ALK: variants seen among roughly 807,000 people sequenced by gnomAD.
ALK encodes the protein ALK receptor tyrosine kinase.
ALK carries 74 observed loss-of-function variants against 163.1 expected under a neutral mutation model. That is an observed-to-expected ratio of 0.45 (90% CI 0.38 to 0.55). The LOEUF (loss-of-function observed/expected upper bound fraction) is 0.55, where lower values mean the gene tolerates loss of function less well. ALK is among the 20% of genes least tolerant of loss of function. The probability of loss-of-function intolerance (pLI) is 0.00; values close to 1 mark genes in which losing one functional copy is unlikely to be tolerated. For synonymous variants in ALK, 960 were observed against 843.2 expected (o/e 1.14, Z -2.40); for missense variants, 2,063 against 2,105.3 (o/e 0.98, Z 0.39).
chr2:29,915,737 ACACAGGT>A (rs1029944292), intron 1 of ALK, among the ~76,000 whole-genome samples: 1 of 152,184 alleles, frequency 6.6e-6, no homozygotes, highest in African/African-American at 2.4e-5. Context: ...TCTTCTCAAG[ACACAGGT>A]CACCTTTTGC....
intron 5 of ALK, among the ~76,000 whole-genome samples, chr2:29,374,278 G>A (rs1668702294): frequency 6.6e-6 from 1 of 152,148 alleles, no homozygotes; most frequent in Non-Finnish European, 1.5e-5. Context: ...ATTTCCTGAT[G>A]AGAAAATGAA....
At chr2:29,270,644 C>A (rs1003190351) in intron 11 of ALK, among the ~76,000 whole-genome samples, 20 of 152,116 alleles carry the variant, frequency 1.3e-4, no homozygotes, top group African/African-American at 4.8e-4. Flanking sequence ...TTGCAGACAC[C>A]AGGGGACCCA....
intron 15 of ALK, among the ~76,000 whole-genome samples, chr2:29,229,579 G>C (rs184765882): frequency 1.8e-4 from 28 of 152,304 alleles, no homozygotes; most frequent in African/African-American, 6.0e-4. Context: ...CAGAGAGCCC[G>C]TTGCTGTCTG....
At chr2:29,453,055 G>A (rs1670861885) in intron 4 of ALK, among the ~76,000 whole-genome samples, 1 of 152,196 alleles carries the variant, frequency 6.6e-6, no homozygotes, top group South Asian at 2.1e-4. Context: ...AGGAAAACTG[G>A]CAACAATCTA....
intron 3 of ALK, among the ~76,000 whole-genome samples, chr2:29,649,143 A>C (rs1309209293): frequency 1.3e-5 from 2 of 151,704 alleles, no homozygotes; most frequent in Non-Finnish European, 2.9e-5. Context: ...TATGCCTTTT[A>C]TAGTGTGGGA....
At chr2:29,349,849 A>T (rs557462694) in intron 5 of ALK, among the ~76,000 whole-genome samples, 1 of 152,324 alleles carries the variant, frequency 6.6e-6, no homozygotes, top group African/African-American at 2.4e-5. Flanking sequence ...TCCAAACTGG[A>T]TGAGTAGAAC....
chr2:29,490,973 A>G (rs542480199), intron 4 of ALK, among the ~76,000 whole-genome samples: 3 of 152,322 alleles, frequency 2.0e-5, no homozygotes, highest in African/African-American at 4.8e-5. Flanking sequence ...TGCATTTACA[A>G]TGGAAGAAAT....
In ALK at chr2:29,251,125, C is replaced by A; in HGVS notation, c.2184G>T (p.Val728=). 6.2e-7 allele frequency: 1 copy of A among 1,614,110 alleles called. No individual in the cohort carries two copies. The highest frequency in any genetic ancestry group is 1.3e-5 in the African/African-American group (1 of 75,054). Residue 728 remains valine, a synonymous_variant, in exon 12 of 29, where the codon GTG becomes GTT. Transcript: ENST00000389048. ...GPLKGIQIWK[V]PATDTYSISG... Reference sequence around the variant, plus strand: ...CGCACCTGTAGGTGTCGGTGGCTGGCACCTTCCAGATCTGGATGCCTTTCA... The same window carrying A: ...CGCACCTGTAGGTGTCGGTGGCTGGAACCTTCCAGATCTGGATGCCTTTCA...
intron 5 of ALK, among the ~76,000 whole-genome samples, chr2:29,354,625 C>A (rs1668198398): frequency 6.6e-6 from 1 of 151,710 alleles, no homozygotes; most frequent in Non-Finnish European, 1.5e-5. Flanking sequence ...AAGCTAAAAC[C>A]CAGAGGCTTT....
intron 3 of ALK, among the ~76,000 whole-genome samples, chr2:29,670,396 G>A (rs1381743141): frequency 2.0e-5 from 3 of 151,950 alleles, no homozygotes; most frequent in African/African-American, 7.2e-5. Flanking sequence ...AGATGAATTG[G>A]AGTTCCTTTA....
intron 5 of ALK, among the ~76,000 whole-genome samples, chr2:29,346,956 C>A (rs567072709): frequency 6.6e-6 from 1 of 152,160 alleles, no homozygotes; most frequent in African/African-American, 2.4e-5. Context: ...AATCCTTACC[C>A]GATGGTCAGA....
intron 5 of ALK, among the ~76,000 whole-genome samples, chr2:29,372,449 T>C (rs758722213): frequency 3.3e-5 from 5 of 152,212 alleles, no homozygotes; most frequent in African/African-American, 9.6e-5. Context: ...TGTTAGTTAA[T>C]GAAGAGCCGC....
intron 9 of ALK, among the ~76,000 whole-genome samples, chr2:29,284,792 A>C (rs1665807628): frequency 6.6e-6 from 1 of 152,176 alleles, no homozygotes; most frequent in Admixed American, 6.5e-5. Context: ...ATCCTTCCAG[A>C]ATTATGAATG....
At chr2:29,394,381 A>T (rs1669252956) in intron 4 of ALK, among the ~76,000 whole-genome samples, 1 of 151,974 alleles carries the variant, frequency 6.6e-6, no homozygotes, top group African/African-American at 2.4e-5. Flanking sequence ...AATCAAGAGT[A>T]GTGACCCTGA....
chr2:29,338,602 T>G (rs1285606141), intron 5 of ALK, among the ~76,000 whole-genome samples: 2 of 152,238 alleles, frequency 1.3e-5, no homozygotes, highest in Non-Finnish European at 2.9e-5. Context: ...GGGGTGCTGA[T>G]GCATACCTTT....
At chr2:29,489,838 G>C (rs1671858966) in intron 4 of ALK, among the ~76,000 whole-genome samples, 1 of 152,212 alleles carries the variant, frequency 6.6e-6, no homozygotes, top group Admixed American at 6.5e-5. Flanking sequence ...GGTTATGCAG[G>C]TGTTATGAAG....
chr2:29,302,308 A>G (rs1030252466), intron 8 of ALK, among the ~76,000 whole-genome samples: 4 of 152,188 alleles, frequency 2.6e-5, no homozygotes, highest in Non-Finnish European at 4.4e-5. Flanking sequence ...ACCTGAGGTC[A>G]GGAGTTCGAG....
chr2:29,830,341 A>G (rs1309752364), intron 1 of ALK, among the ~76,000 whole-genome samples: 1 of 152,162 alleles, frequency 6.6e-6, no homozygotes, highest in Non-Finnish European at 1.5e-5. Context: ...ATCATTGGTC[A>G]ATTTCCAGGA....
At chr2:29,624,823 G>A (rs1472042321) in intron 3 of ALK, among the ~76,000 whole-genome samples, 3 of 152,108 alleles carry the variant, frequency 2.0e-5, no homozygotes, top group South Asian at 2.1e-4. Flanking sequence ...CAAATCCCAC[G>A]CCAAGGCACT....
Sources: allele counts gnomAD v4.1 joint callset (sites outside exome capture counted in the v4.1 genomes callset), GRCh38; gene constraint gnomAD v4.1.1; transcripts MANE v1.5; gene names NCBI Gene and HGNC (gene_info 2026-07-23, HGNC 2026-07-21).